The following MRPL45 variants were observed in gnomAD, a reference collection of about 807,000 sequenced individuals.
MRPL45 encodes the protein mitochondrial ribosomal protein L45.
In MRPL45, 20 loss-of-function variants were observed where a neutral mutation model predicts 38.1. The ratio of observed to expected loss-of-function variants is 0.53; its 90% confidence interval spans 0.37 to 0.76. The LOEUF (loss-of-function observed/expected upper bound fraction) is 0.76, where lower values mean the gene tolerates loss of function less well. MRPL45 is among the 30% of genes least tolerant of loss of function. The probability of loss-of-function intolerance (pLI) is 0.00; values close to 1 mark genes in which losing one functional copy is unlikely to be tolerated. For missense variants in MRPL45, 337 were observed against 395.6 expected (o/e 0.85, Z 1.26); for synonymous variants, 105 against 128.8 (o/e 0.82, Z 1.25).
intron 4 of MRPL45, among the ~76,000 whole-genome samples, chr17:38,307,837 T>C (rs1224579750): frequency 3.5e-5 from 2 of 57,004 alleles, no homozygotes; most frequent in Non-Finnish European, 9.1e-5. Context: ...AATTTTACTT[T>C]TATTTCTTTA....
At chr17:38,303,723 C>T (rs1412597226) in intron 3 of MRPL45, among the ~76,000 whole-genome samples, 6 of 151,018 alleles carry the variant, frequency 4.0e-5, no homozygotes, top group African/African-American at 7.3e-5. Context: ...CTCTTGCCTC[C>T]GTCTTCTTTT....
Position 38,303,552 on chromosome 17 carries a change from C to T in MRPL45, c.363-2981C>T, listed in dbSNP as rs1237344183. Among the ~76,000 whole-genome samples, 4 of 151,950 alleles carry T rather than the reference C, an allele frequency of 2.6e-5. No individual in the cohort carries two copies. The East Asian group carries it at 5.8e-4, about 22-fold the overall frequency. ...CTCATTATCTACCTGCCTCAGCCTC[C>T]CAAAGTGCTAGGATTACAGGTGTGA... On this transcript the variant is annotated intron_variant, in intron 3 of 7. Coordinates refer to ENST00000613675, the MANE Select transcript of MRPL45 (RefSeq NM_032351.6).
intron 4 of MRPL45, among the ~76,000 whole-genome samples, chr17:38,310,707 C>T (rs2037103893): frequency 6.6e-6 from 1 of 152,204 alleles, no homozygotes; most frequent in South Asian, 2.1e-4. Flanking sequence ...CTCACTGCTG[C>T]CTTGACCTCC....
intron 3 of MRPL45, among the ~76,000 whole-genome samples, chr17:38,305,029 T>G (rs1264423965): frequency 6.6e-6 from 1 of 151,502 alleles, no homozygotes; most frequent in Non-Finnish European, 1.5e-5. Context: ...TGTATTTTAG[T>G]GGAGACGGGG....
At chr17:38,316,951 C>T (rs962562103) in intron 4 of MRPL45, among the ~76,000 whole-genome samples, 1 of 151,976 alleles carries the variant, frequency 6.6e-6, no homozygotes, top group East Asian at 1.9e-4. Flanking sequence ...GTGTGTGCCA[C>T]TGTACCTGGC....
At chr17:38,319,130 G>A (rs538760514) in intron 5 of MRPL45, among the ~76,000 whole-genome samples, 204 of 151,874 alleles carry the variant, frequency 1.3e-3, no homozygotes, top group Non-Finnish European at 1.1e-3. Context: ...CCGCCTCCCG[G>A]GTTCACGCCA....
At chr17:38,310,094 TTTTA>T (rs535984207) in intron 4 of MRPL45, among the ~76,000 whole-genome samples, 600 of 150,092 alleles carry the variant, frequency 4.0e-3, no homozygotes, top group Middle Eastern at 0.014. Context: ...TTTATATTTA[TTTTA>T]TTTATTTTCT....
chr17:38,305,557 C>T (rs1304595870), intron 3 of MRPL45, among the ~76,000 whole-genome samples: 31 of 148,342 alleles, frequency 2.1e-4, no homozygotes, highest in Admixed American at 1.3e-3. Flanking sequence ...AGTGCAGTGG[C>T]GCGATCACTA....
In MRPL45 at chr17:38,297,216, T is replaced by C. The variant is rs2036944319; in HGVS notation, c.33T>C (p.Cys11=). 1 of 1,614,176 alleles carries C rather than the reference T, an allele frequency of 6.2e-7. No individual in the cohort carries two copies. The highest frequency in any genetic ancestry group is 1.3e-5 in the African/African-American group (1 of 75,046). ...CCCCCATACCTCAAGGGTTCTCTTG[T>C]TTATCGAGGTTTTTGGGCTGGTGGT... The part of the protein sequence containing the change: MAAPIPQGFS[C]LSRFLGWWSR... Residue 11 remains cysteine (C), a synonymous_variant, in exon 1 of 8, where the codon TGT becomes TGC. Coordinates refer to ENST00000613675, the MANE Select transcript of MRPL45 (RefSeq NM_032351.6).
At position 38,313,690 on chromosome 17, in the gene MRPL45, T is replaced by C. The variant is rs186957673; in HGVS notation, c.462-4997T>C. Among the ~76,000 whole-genome samples the C allele has an allele frequency of 7.3e-3, 1,105 of 151,056 alleles. 11 individuals are homozygous for C. The highest frequency in any genetic ancestry group is 0.028 in the Middle Eastern group (8 of 288). Reference sequence around the variant, plus strand: ...TCTTTTTTTTTTTTTTGAGTTGAAGTCTTGCTCTGTCGCCCAGACAGGACT... The same window carrying C: ...TCTTTTTTTTTTTTTTGAGTTGAAGCCTTGCTCTGTCGCCCAGACAGGACT... On this transcript the variant is annotated intron_variant, in intron 4 of 7. Coordinates refer to ENST00000613675, the MANE Select transcript of MRPL45 (RefSeq NM_032351.6).
At chr17:38,307,517 CTT>C (rs1261104559) in intron 4 of MRPL45, among the ~76,000 whole-genome samples, 78 of 151,576 alleles carry the variant, frequency 5.1e-4, no homozygotes, top group South Asian at 4.2e-4. Flanking sequence ...TTAAAATAAA[CTT>C]TTTTTTGTAG....
In MRPL45 at chr17:38,306,545, A is replaced by G. The variant is rs754724111; in HGVS notation, c.375A>G (p.Ile125Met). 6 of 1,608,186 alleles carry G rather than the reference A, an allele frequency of 3.7e-6. No homozygotes were observed. The highest frequency in any genetic ancestry group is 2.7e-5 in the African/African-American group (2 of 74,534). ...CTTAATTTTACAGAATCCGGAGGAT[A>G]AAAGACTATGATGCCAACTTTAAAA... is the stretch of plus-strand genomic sequence containing the variant. ...TMASQVSIRR[I>M]KDYDANFKIK... The change falls in exon 4 of 8, where the codon ATA (isoleucine) becomes ATG (methionine). Residue 125 changes from isoleucine (I) to methionine (M), a missense_variant. By Grantham distance (10) the Ile-to-Met change is conservative (BLOSUM62 1). This residue lies in a region of MRPL45 where 251 missense variants were observed against 269.1 expected (regional missense o/e 0.93). Transcript: ENST00000613675.
intron 4 of MRPL45, among the ~76,000 whole-genome samples, chr17:38,313,187 G>A (rs1205582896): frequency 3.4e-5 from 5 of 148,330 alleles, no homozygotes; most frequent in Admixed American, 1.3e-4. Context: ...GGTTTCATGT[G>A]TTAGCCAGGA....
At chr17:38,308,884 G>C (rs561164664) in intron 4 of MRPL45, among the ~76,000 whole-genome samples, 88 of 150,970 alleles carry the variant, frequency 5.8e-4, no homozygotes, top group African/African-American at 2.0e-3. Context: ...TTTTGTTAAA[G>C]TTTATTTTTA....
intron 4 of MRPL45, among the ~76,000 whole-genome samples, chr17:38,310,580 C>T (rs1487981766): frequency 6.6e-6 from 1 of 152,266 alleles, no homozygotes; most frequent in East Asian, 1.9e-4. Context: ...TCACCTGCCT[C>T]AGCCTCCCAA....
chr17:38,322,838 A>C lies in MRPL45; in HGVS notation c.*243A>C. 1 of 499,846 alleles carries C rather than the reference A, an allele frequency of 2.0e-6. No individual in the cohort carries two copies. The highest frequency in any genetic ancestry group is 3.0e-5 in the South Asian group (1 of 33,636). 31.0% of individuals were successfully genotyped at this position (499,846 alleles called of 1,614,324 possible). ...TATGTCTAGCTTCTGAGTCTAGATG[A>C]AAGACAGTATGTTTCAGAGAACATT... On this transcript the variant is annotated 3_prime_UTR_variant, in exon 8 of 8. Coordinates refer to ENST00000613675, the MANE Select transcript of MRPL45 (RefSeq NM_032351.6).
At chr17:38,307,230 T>G (rs1302260165) in intron 4 of MRPL45, among the ~76,000 whole-genome samples, 1 of 151,914 alleles carries the variant, frequency 6.6e-6, no homozygotes, top group Non-Finnish European at 1.5e-5. Flanking sequence ...GAGACGGGGT[T>G]TCATCATGTT....
chr17:38,322,258 A>G lies in MRPL45; in HGVS notation c.793A>G (p.Ile265Val). The G allele has an allele frequency of 6.2e-7, 1 of 1,614,098 alleles. No homozygotes were observed. Among genetic ancestry groups the G allele is most frequent in the Non-Finnish European group, 8.5e-7 (1 of 1,180,026 alleles). ...TGGAAGCTGGAGAATGCATACCAAG[A>G]TCGTTCCCCCATGGGCACCCCCTAA... ...PYGSWRMHTK[I>V]VPPWAPPKQP... The change falls in exon 7 of 8, where the codon ATC (isoleucine) becomes GTC (valine). Residue 265 changes from isoleucine (I) to valine (V), a missense_variant. By Grantham distance (29) the Ile-to-Val change is conservative. Around this residue, in one of 3 missense-constraint regions of MRPL45, gnomAD observed 251 missense variants for 269.1 expected, o/e 0.93. Coordinates refer to ENST00000613675, the MANE Select transcript of MRPL45 (RefSeq NM_032351.6).
intron 4 of MRPL45, among the ~76,000 whole-genome samples, chr17:38,312,380 C>T (rs1449268431): frequency 6.6e-6 from 1 of 152,096 alleles, no homozygotes; most frequent in Non-Finnish European, 1.5e-5. Context: ...AATAATATTT[C>T]ATTGTATGTA....
Sources: gnomAD v4.1 joint callset for allele counts (sites outside exome capture counted in the v4.1 genomes callset) on GRCh38, gnomAD v4.1.1 for gene constraint, gnomAD v4.1.1 regional missense constraint, MANE v1.5 for transcripts, NCBI Gene and HGNC (gene_info 2026-07-23, HGNC 2026-07-21) for gene names.